PDGFC: variants seen among roughly 807,000 people sequenced by gnomAD.
PDGFC encodes platelet-derived growth factor C.
PDGFC carries 12 observed loss-of-function variants against 35.5 expected under a neutral mutation model. The ratio of observed to expected loss-of-function variants is 0.34; its 90% CI spans 0.22 to 0.55. The LOEUF is 0.55. Among genes scored for constraint, PDGFC ranks in the 20% least tolerant of loss-of-function variants. The pLI, the probability that PDGFC is intolerant of heterozygous loss-of-function variation, is 0.91. For missense variants in PDGFC, 322 were observed against 412.4 expected (o/e 0.78, Z 1.90); for synonymous variants, 159 against 148.8 (o/e 1.07, Z -0.50).
chr4:156,778,478 T>G (rs1340798259), intron 3 of PDGFC, among the ~76,000 whole-genome samples: 4 of 152,166 alleles, frequency 2.6e-5, no homozygotes, highest in Non-Finnish European at 5.9e-5. Flanking sequence ...AAAAGTTAAG[T>G]TTTCTTATTG....
Position 156,970,431 on chromosome 4 carries a change from C to A in PDGFC, c.118+355G>T, listed in dbSNP as rs140581709. Among the ~76,000 whole-genome samples the A allele has an allele frequency of 7.2e-5, 11 of 152,240 alleles. No individual in the cohort carries two copies. The South Asian group carries it at 1.2e-3, about 17-fold the overall frequency. ...CTCCCCAAATCTGAGTAAAGTCAAA[C>A]ATGCCAAGGCTCATTCATTTTGGAT... On this transcript the variant is annotated intron_variant, in intron 1 of 5. Coordinates refer to ENST00000502773, the MANE Select transcript of PDGFC (RefSeq NM_016205.3).
At chr4:156,915,061 C>A (rs952707568) in intron 1 of PDGFC, among the ~76,000 whole-genome samples, 1 of 152,118 alleles carries the variant, frequency 6.6e-6, no homozygotes, top group Non-Finnish European at 1.5e-5. Flanking sequence ...CAAAACCACA[C>A]ACACACAAAA....
chr4:156,829,428 G>A (rs1450020612), intron 2 of PDGFC, among the ~76,000 whole-genome samples: 3 of 152,156 alleles, frequency 2.0e-5, no homozygotes, highest in Non-Finnish European at 4.4e-5. Flanking sequence ...ATTCTAGGCC[G>A]AGTGCCCACT....
At chr4:156,792,163 A>T (rs1731315835) in intron 3 of PDGFC, among the ~76,000 whole-genome samples, 1 of 152,190 alleles carries the variant, frequency 6.6e-6, no homozygotes, top group African/African-American at 2.4e-5. Flanking sequence ...TTCTAAATTC[A>T]AAAGTAGCAC....
chr4:156,821,435 C>G (rs367926563), intron 2 of PDGFC, among the ~76,000 whole-genome samples: 1 of 151,892 alleles, frequency 6.6e-6, no homozygotes, highest in Non-Finnish European at 1.5e-5. Context: ...AGATAAGGGT[C>G]TCACTATATT....
intron 3 of PDGFC, among the ~76,000 whole-genome samples, chr4:156,808,735 C>T (rs921193769): frequency 6.6e-6 from 1 of 151,950 alleles, no homozygotes; most frequent in African/African-American, 2.4e-5. Context: ...AACAGCATAA[C>T]CACTTGTCAA....
rs562615545 is a variant in PDGFC, at chr4:156,866,307, T to C, written c.119-15891A>G. Among the ~76,000 whole-genome samples the C allele has an allele frequency of 9.8e-5, 15 of 152,310 alleles. 1 individual carries two copies. In the South Asian group the frequency reaches 3.1e-3, roughly 32 times the overall value. On this transcript the variant is annotated intron_variant, in intron 1 of 5. Transcript: ENST00000502773. ...GAACTCATCATTTTTTATGGCTGCA[T>C]AGTATTCCATTGTGTGTATGTGCCA...
chr4:156,813,374 TG>T (rs1731994350), intron 2 of PDGFC, among the ~76,000 whole-genome samples: 1 of 152,106 alleles, frequency 6.6e-6, no homozygotes, highest in East Asian at 1.9e-4. Context: ...TTTTGGGTTC[TG>T]GGTCCATAAA....
At chr4:156,870,828 T>C (rs1048813718) in intron 1 of PDGFC, among the ~76,000 whole-genome samples, 1 of 152,180 alleles carries the variant, frequency 6.6e-6, no homozygotes, top group South Asian at 2.1e-4. Flanking sequence ...TATAGTGTAA[T>C]GTATTTGTAT....
At chr4:156,832,940 T>C (rs1728980840) in intron 2 of PDGFC, among the ~76,000 whole-genome samples, 1 of 152,218 alleles carries the variant, frequency 6.6e-6, no homozygotes, top group Admixed American at 6.5e-5. Flanking sequence ...AATTCTGGCT[T>C]ACGGGTTGGT....
intron 3 of PDGFC, among the ~76,000 whole-genome samples, chr4:156,806,937 C>G (rs1009478629): frequency 6.6e-6 from 1 of 151,822 alleles, no homozygotes; most frequent in African/African-American, 2.4e-5. Flanking sequence ...GGCCTCCAAA[C>G]AGAAACAAGC....
chr4:156,954,756 T>C (rs1051022557), intron 1 of PDGFC, among the ~76,000 whole-genome samples: 2 of 152,016 alleles, frequency 1.3e-5, no homozygotes, highest in Non-Finnish European at 2.9e-5. Context: ...TAGCCCCTTG[T>C]AGTTCCTTAA....
intron 1 of PDGFC, among the ~76,000 whole-genome samples, chr4:156,862,859 C>A (rs927369307): frequency 6.6e-6 from 1 of 151,806 alleles, no homozygotes; most frequent in Non-Finnish European, 1.5e-5. Flanking sequence ...CGCGCCTGGC[C>A]AATTTTTGTA....
intron 2 of PDGFC, among the ~76,000 whole-genome samples, chr4:156,828,226 C>T (rs575251644): frequency 1.3e-3 from 205 of 152,212 alleles, no homozygotes; most frequent in South Asian, 3.7e-3. Context: ...CATTTTGCAG[C>T]GCAAATCACA....
In PDGFC at chr4:156,772,879, A is replaced by G; in HGVS notation, c.510T>C (p.Ala170=). 3 of 1,611,054 alleles carry G rather than the reference A, an allele frequency of 1.9e-6. No individual in the cohort carries two copies. The highest frequency in any genetic ancestry group is 4.5e-5 in the East Asian group (2 of 44,834). The change falls in exon 4 of 6, where the codon GCT becomes GCC. Residue 170 remains alanine (A), a synonymous_variant. Coordinates refer to ENST00000502773, the MANE Select transcript of PDGFC (RefSeq NM_016205.3). ...YNIVMPQFTE[A]VSPSVLPPSA... is the part of the protein sequence containing the mutation. Reference sequence around the variant, plus strand: ...AAGGGGGTAGCACTGAAGGACTCACAGCTTCTGTGAATTGCTGAAAGTAAA... The same window carrying G: ...AAGGGGGTAGCACTGAAGGACTCACGGCTTCTGTGAATTGCTGAAAGTAAA...
intron 1 of PDGFC, among the ~76,000 whole-genome samples, chr4:156,895,477 C>T (rs967787592): frequency 3.3e-5 from 5 of 151,672 alleles, no homozygotes; most frequent in Non-Finnish European, 7.4e-5. Context: ...ACTGAAAATA[C>T]AAAAATTAGC....
At chr4:156,818,091 G>A (rs1295837953) in intron 2 of PDGFC, among the ~76,000 whole-genome samples, 3 of 145,656 alleles carry the variant, frequency 2.1e-5, no homozygotes, top group South Asian at 2.3e-4. Flanking sequence ...GCTAAATCTT[G>A]TATCAAAGTT....
At chr4:156,941,019 T>C (rs1179018993) in intron 1 of PDGFC, among the ~76,000 whole-genome samples, 1 of 152,174 alleles carries the variant, frequency 6.6e-6, no homozygotes, top group Non-Finnish European at 1.5e-5. Context: ...TATCAATAGA[T>C]ATAATGTATG....
At chr4:156,915,596 C>T (rs189386702) in intron 1 of PDGFC, among the ~76,000 whole-genome samples, 106 of 152,164 alleles carry the variant, frequency 7.0e-4, no homozygotes, top group Admixed American at 6.6e-3. Flanking sequence ...AGCTTGAGAC[C>T]AGCCTGGCCA....
Sources: allele counts gnomAD v4.1 joint callset (sites outside exome capture counted in the v4.1 genomes callset), GRCh38; gene constraint gnomAD v4.1.1; transcripts MANE v1.5; gene names NCBI Gene and HGNC (gene_info 2026-07-23, HGNC 2026-07-21).